DNAH6: variants seen among roughly 807,000 people sequenced by gnomAD.
DNAH6 encodes the protein axonemal beta dynein heavy chain 6.
In DNAH6, 340 loss-of-function variants were observed where a neutral mutation model predicts 491.4. The ratio of observed to expected loss-of-function variants is 0.69; its 90% confidence interval spans 0.63 to 0.76. The LOEUF is 0.76. Ranked by LOEUF, DNAH6 falls within the 30% of genes least tolerant of loss-of-function variation. The pLI, the probability that DNAH6 is intolerant of heterozygous loss-of-function variation, is 0.00. For missense variants in DNAH6, 4,443 were observed against 4,972.2 expected (o/e 0.89, Z 3.20); for synonymous variants, 1,603 against 1,686.1 (o/e 0.95, Z 1.21).
intron 63 of DNAH6, among the ~76,000 whole-genome samples, chr2:84,759,989 T>C (rs986909794): frequency 3.3e-5 from 5 of 152,082 alleles, no homozygotes. Flanking sequence ...TGGAACAGAA[T>C]AGAAAACCCA....
intron 72 of DNAH6, among the ~76,000 whole-genome samples, chr2:84,810,393 A>C (rs1005350284): frequency 2.6e-5 from 4 of 152,202 alleles, no homozygotes; most frequent in African/African-American, 9.6e-5. Flanking sequence ...TGGTCAAACA[A>C]ACCCCAGTCC....
At chr2:84,666,017 T>C (rs965285756) in intron 37 of DNAH6, among the ~76,000 whole-genome samples, 1 of 152,086 alleles carries the variant, frequency 6.6e-6, no homozygotes, top group African/African-American at 2.4e-5. Flanking sequence ...ATTATCTCAA[T>C]AGATGCAGAA....
At chr2:84,620,547 A>G (rs1366961674) in intron 24 of DNAH6, among the ~76,000 whole-genome samples, 1 of 152,172 alleles carries the variant, frequency 6.6e-6, no homozygotes, top group African/African-American at 2.4e-5. Flanking sequence ...CTATGTGGGC[A>G]TGGGAGACGT....
intron 63 of DNAH6, among the ~76,000 whole-genome samples, chr2:84,756,880 A>C (rs1030476949): frequency 6.6e-6 from 1 of 152,210 alleles, no homozygotes; most frequent in African/African-American, 2.4e-5. Flanking sequence ...TCAAACAGCA[A>C]ATCTAAAAAG....
chr2:84,672,598 A>G (rs1403414252), intron 40 of DNAH6, 114 bp downstream of exon 40: 13 of 941,588 alleles, frequency 1.4e-5, no homozygotes, highest in African/African-American at 6.7e-5. Context: ...GGCTTACACA[A>G]CAGAAATTTA....
chr2:84,592,425 AC>A (rs1684202754), intron 16 of DNAH6, among the ~76,000 whole-genome samples: 1 of 152,204 alleles, frequency 6.6e-6, no homozygotes, highest in Non-Finnish European at 1.5e-5. Flanking sequence ...AATGGCCATT[AC>A]AAAAATAAAA....
At chr2:84,526,282 C>A (rs993586652) in intron 3 of DNAH6, among the ~76,000 whole-genome samples, 3 of 152,028 alleles carry the variant, frequency 2.0e-5, no homozygotes, top group African/African-American at 7.2e-5. Context: ...AGTAAAGATA[C>A]CAGTAGAGCC....
intron 23 of DNAH6, among the ~76,000 whole-genome samples, chr2:84,617,388 A>C (rs1402457321): frequency 6.6e-6 from 1 of 152,096 alleles, no homozygotes; most frequent in Non-Finnish European, 1.5e-5. Context: ...TTTTAAATGC[A>C]CAATTAAATT....
intron 29 of DNAH6, among the ~76,000 whole-genome samples, chr2:84,626,843 T>C (rs569266090): frequency 6.6e-5 from 10 of 152,132 alleles, no homozygotes; most frequent in African/African-American, 2.4e-4. Flanking sequence ...CCTGACCTCG[T>C]GATCCACCCG....
chr2:84,567,093 A>T (rs1376295922), intron 11 of DNAH6, among the ~76,000 whole-genome samples: 1 of 152,162 alleles, frequency 6.6e-6, no homozygotes, highest in Non-Finnish European at 1.5e-5. Context: ...GCAAGAATAG[A>T]ATGAATTGAT....
In DNAH6 at chr2:84,583,568, A is replaced by G. The variant is rs186658190; in HGVS notation, c.2230-431A>G. 2.1e-3 allele frequency among the ~76,000 whole-genome samples: 313 copies of G among 152,288 alleles called. 1 individual carries two copies. Among genetic ancestry groups the G allele is most frequent in the Non-Finnish European group, 2.5e-3 (167 of 68,020 alleles). On this transcript the variant is annotated intron_variant, in intron 14 of 76. Transcript: ENST00000389394. ...TTGATGTTTGATATGGTTTGGCTGT[A>G]TCTCCACCCAAATCTCACCTTGAAT...
chr2:84,553,083 TGAAGCA>T, intron 10 of DNAH6, 49 bp downstream of exon 10: 1 of 1,116,572 alleles, frequency 9.0e-7, no homozygotes. Context: ...ATTTGGAAAA[TGAAGCA>T]GCTGTTTTGC....
At chr2:84,572,786 C>G (rs1270330720) in intron 11 of DNAH6, among the ~76,000 whole-genome samples, 2 of 152,128 alleles carry the variant, frequency 1.3e-5, no homozygotes, top group Admixed American at 1.3e-4. Flanking sequence ...TGGAGCACAG[C>G]CAAGTAGACA....
intron 52 of DNAH6, among the ~76,000 whole-genome samples, chr2:84,706,352 A>G (rs527289814): frequency 4.3e-4 from 66 of 152,378 alleles, no homozygotes; most frequent in Non-Finnish European, 8.5e-4. Context: ...CTATGTTCCA[A>G]TATAACTTTA....
intron 63 of DNAH6, among the ~76,000 whole-genome samples, chr2:84,758,359 T>C (rs907518360): frequency 2.6e-5 from 4 of 152,216 alleles, no homozygotes; most frequent in African/African-American, 9.6e-5. Context: ...CCTTTTGAAA[T>C]AAAAACTATA....
chr2:84,469,475 G>A, the DNAH6 span, among the ~76,000 whole-genome samples: 9 of 152,252 alleles, frequency 5.9e-5, no homozygotes, highest in South Asian at 6.2e-4. The surrounding 1 kb of genome is among the most constrained non-coding windows in gnomAD (Gnocchi z 4.0). Context: ...AACCTCTGAC[G>A]TGGAGTTTCA....
rs780401400 is a variant in DNAH6, at chr2:84,718,369, A to G, written c.9777A>G (p.Thr3259=). The G allele has an allele frequency of 1.0e-5, 16 of 1,528,960 alleles. No homozygotes were observed. The Admixed American group carries it at 2.9e-4, about 28-fold the overall frequency. 94.7% of individuals were successfully genotyped at this position (1,528,960 alleles called of 1,614,324 possible). Residue 3259 remains threonine, a synonymous_variant, in exon 59 of 77, where the codon ACA becomes ACG. Transcript: ENST00000389394. ...TGGACAATGAAGAACTTATTGACACACTCCAGGATTCAAAGGCAAGTAAAA... is the reference window on the plus strand; with the variant it reads ...TGGACAATGAAGAACTTATTGACACGCTCCAGGATTCAAAGGCAAGTAAAA... ...NILDNEELID[T]LQDSKITSGA...
At chr2:84,498,968 T>C in the DNAH6 span, among the ~76,000 whole-genome samples, 1 of 152,146 alleles carries the variant, frequency 6.6e-6, no homozygotes, top group African/African-American at 2.4e-5. Context: ...CATGAGATGT[T>C]TTGACACAGG....
In DNAH6 at chr2:84,816,014, C is replaced by A. The variant is rs932770561; in HGVS notation, c.12304C>A (p.Pro4102Thr). The A allele has an allele frequency of 6.4e-6, 10 of 1,551,630 alleles. No individual in the cohort carries two copies. Among genetic ancestry groups the A allele is most frequent in the Non-Finnish European group, 8.7e-6 (10 of 1,147,010 alleles). The change falls in exon 76 of 77, where the codon CCA becomes ACA. Residue 4102 changes from proline to threonine, a missense_variant. Around this residue, in one of 3 missense-constraint regions of DNAH6, gnomAD observed 1,463 missense variants for 1,656.6 expected, o/e 0.88. Transcript: ENST00000389394. ...TTTTGAACCACAACAAAACTATAAG[C>A]CAAGCCCAACACTTTACCACTGCCC... ...VHFEPQQNYK[P>T]SPTLYHCPLY...
Sources: gnomAD v4.1 joint callset for allele counts (sites outside exome capture counted in the v4.1 genomes callset) on GRCh38, gnomAD v4.1.1 for gene constraint, gnomAD v4.1.1 regional missense constraint, Gnocchi (gnomAD v3.1) non-coding constraint, MANE v1.5 for transcripts, NCBI Gene and HGNC (gene_info 2026-07-23, HGNC 2026-07-21) for gene names.